CMTM8: variants seen among roughly 807,000 people sequenced by gnomAD.
CMTM8 encodes CKLF like MARVEL transmembrane domain containing 8, also known as CKLF-like MARVEL transmembrane domain-containing protein 8.
In CMTM8, 12 loss-of-function variants were observed where a neutral mutation model predicts 18.6. That is an observed-to-expected ratio of 0.65 (90% CI 0.41 to 1.05). The LOEUF (loss-of-function observed/expected upper bound fraction) is 1.05. Ranked by LOEUF, CMTM8 falls within the 50% of genes least tolerant of loss-of-function variation. CMTM8 has a pLI of 0.00. For missense variants in CMTM8, 217 were observed against 227.2 expected (o/e 0.95, Z 0.29); for synonymous variants, 87 against 90.6 (o/e 0.96, Z 0.23).
intron 1 of CMTM8, among the ~76,000 whole-genome samples, chr3:32,319,074 A>ATATATATGTATTTTTTTTT: frequency 3.2e-5 from 1 of 31,530 alleles, no homozygotes; most frequent in African/African-American, 1.5e-4. Context: ...ATATATATAT[A>ATATATATGTATTTTTTTTT]TTTTTTTTTT....
chr3:32,348,897 T>C (rs932299462), intron 1 of CMTM8, among the ~76,000 whole-genome samples: 3 of 152,144 alleles, frequency 2.0e-5, no homozygotes, highest in Admixed American at 2.0e-4. Context: ...GTTTTTATCT[T>C]TTCTAGGTTT....
intron 1 of CMTM8, 77 bp from the exon 2 acceptor site, chr3:32,357,296 T>G: frequency 9.4e-7 from 1 of 1,066,624 alleles, no homozygotes; most frequent in Non-Finnish European, 1.4e-6. Flanking sequence ...TTATTTTTTT[T>G]TCTTTGTCCC....
At chr3:32,251,611 G>A (rs956131214) in intron 1 of CMTM8, among the ~76,000 whole-genome samples, 2 of 151,870 alleles carry the variant, frequency 1.3e-5, no homozygotes, top group African/African-American at 4.8e-5. Context: ...ACCATGCCCA[G>A]CCACATCTGT....
chr3:32,363,017 G>A (rs903561298), intron 2 of CMTM8, among the ~76,000 whole-genome samples: 1 of 133,944 alleles, frequency 7.5e-6, no homozygotes, highest in Admixed American at 7.7e-5. Flanking sequence ...ACAGGAATAA[G>A]AAAAGTAAGT....
chr3:32,318,099 GA>G (rs1695966379), intron 1 of CMTM8, among the ~76,000 whole-genome samples: 1 of 143,774 alleles, frequency 7.0e-6, no homozygotes. Context: ...TAAGTTCTTA[GA>G]AAAGATCTCC....
chr3:32,268,980 C>G (rs1391072254), intron 1 of CMTM8, among the ~76,000 whole-genome samples: 1 of 152,162 alleles, frequency 6.6e-6, no homozygotes, highest in Non-Finnish European at 1.5e-5. Context: ...TCAGGTAGGA[C>G]AGAAATCTTT....
intron 1 of CMTM8, among the ~76,000 whole-genome samples, chr3:32,260,684 CCT>C (rs1491563835): frequency 6.7e-6 from 1 of 149,638 alleles, no homozygotes; most frequent in Non-Finnish European, 1.5e-5. Context: ...TTTTTTTCCC[CCT>C]GTTTTCACAT....
intron 1 of CMTM8, chr3:32,260,050 C>A (rs1702235090): frequency 1.7e-6 from 2 of 1,148,386 alleles, no homozygotes; most frequent in Non-Finnish European, 2.6e-6. Context: ...ACATCAAGGT[C>A]AAGCTGGAGG....
At chr3:32,311,705 C>T (rs917360482) in intron 1 of CMTM8, among the ~76,000 whole-genome samples, 24 of 152,286 alleles carry the variant, frequency 1.6e-4, no homozygotes, top group African/African-American at 4.8e-4. Flanking sequence ...CCACACCAAC[C>T]GATTCTCCAC....
chr3:32,340,656 G>A (rs1006006241), intron 1 of CMTM8, among the ~76,000 whole-genome samples: 2 of 152,180 alleles, frequency 1.3e-5, no homozygotes, highest in African/African-American at 4.8e-5. Flanking sequence ...GTAGCCAGGA[G>A]GCCACATATT....
At chr3:32,361,459 A>C (rs915110012) in intron 2 of CMTM8, among the ~76,000 whole-genome samples, 6 of 152,050 alleles carry the variant, frequency 3.9e-5, no homozygotes, top group Non-Finnish European at 5.9e-5. Context: ...CATTGCTACC[A>C]TGTCAGCTCA....
intron 1 of CMTM8, among the ~76,000 whole-genome samples, chr3:32,276,753 C>T (rs563368563): frequency 1.3e-5 from 2 of 152,302 alleles, no homozygotes; most frequent in African/African-American, 4.8e-5. Context: ...CCACCTCCCA[C>T]TCCTCCTTCA....
chr3:32,345,029 G>A (rs1696567104), intron 1 of CMTM8, among the ~76,000 whole-genome samples: 1 of 152,150 alleles, frequency 6.6e-6, no homozygotes, highest in Admixed American at 6.5e-5. Flanking sequence ...CAAGTGGTGA[G>A]TTGATTTTCA....
intron 1 of CMTM8, among the ~76,000 whole-genome samples, chr3:32,264,304 T>A (rs1011224454): frequency 1.3e-5 from 2 of 152,230 alleles, no homozygotes; most frequent in African/African-American, 4.8e-5. Flanking sequence ...TTCAAAATTC[T>A]TAAAGAAAAG....
chr3:32,295,333 G>C (rs1039404482), intron 1 of CMTM8, among the ~76,000 whole-genome samples: 1 of 151,172 alleles, frequency 6.6e-6, no homozygotes, highest in Non-Finnish European at 1.5e-5. Flanking sequence ...TCGTGCACCT[G>C]TAGTCTCAGC....
At chr3:32,250,667 A>C (rs1044058550) in intron 1 of CMTM8, among the ~76,000 whole-genome samples, 1 of 151,998 alleles carries the variant, frequency 6.6e-6, no homozygotes, top group Admixed American at 6.6e-5. Flanking sequence ...TTTTGATGGC[A>C]GTATTTTCTT....
intron 1 of CMTM8, among the ~76,000 whole-genome samples, chr3:32,269,776 A>G (rs890764158): frequency 2.0e-5 from 3 of 152,156 alleles, no homozygotes; most frequent in Non-Finnish European, 2.9e-5. Flanking sequence ...TAAAACCCAT[A>G]TACAATTTAT....
At chr3:32,340,536 C>T (rs1696473714) in intron 1 of CMTM8, among the ~76,000 whole-genome samples, 1 of 152,194 alleles carries the variant, frequency 6.6e-6, no homozygotes, top group South Asian at 2.1e-4. Context: ...CATCAGTACA[C>T]ATATATGTGC....
At position 32,281,840 on chromosome 3, in the gene CMTM8, A is replaced by G. The variant is rs776894082; in HGVS notation, c.147+42721A>G. Among the ~76,000 whole-genome samples, 3 of 151,700 alleles carry G rather than the reference A, an allele frequency of 2.0e-5. 1 individual carries two copies. The South Asian group carries it at 6.2e-4, about 32-fold the overall frequency. Reference sequence around the variant, plus strand: ...TTGACCCCTCCCCTCAATCCTTTAAATATCTTATTTTCTTGGCTTCAAAGG... The same window carrying G: ...TTGACCCCTCCCCTCAATCCTTTAAGTATCTTATTTTCTTGGCTTCAAAGG... On this transcript the variant is annotated intron_variant, in intron 1 of 3. Transcript: ENST00000307526.
Sources: gnomAD v4.1 joint callset for allele counts (sites outside exome capture counted in the v4.1 genomes callset) on GRCh38, gnomAD v4.1.1 for gene constraint, MANE v1.5 for transcripts, NCBI Gene and HGNC (gene_info 2026-07-23, HGNC 2026-07-21) for gene names.